The following GREM2 variants were observed in gnomAD, a reference collection of about 807,000 sequenced individuals.
GREM2 encodes the protein gremlin-2.
GREM2 carries 11 observed loss-of-function variants against 14.2 expected under a neutral mutation model. The ratio of observed to expected loss-of-function variants is 0.78; its 90% CI spans 0.49 to 1.28. GREM2 has a LOEUF of 1.28. Ranked by LOEUF, GREM2 falls within the 50% of genes most tolerant of loss-of-function variation. The pLI, the probability that GREM2 is intolerant of heterozygous loss-of-function variation, is 0.00. For synonymous variants in GREM2, 98 were observed against 97.6 expected, an observed-to-expected ratio of 1.00 and a Z score of -0.02; for missense variants, 210 against 218.5, an observed-to-expected ratio of 0.96 and a Z score of 0.24.
In GREM2 at chr1:240,540,216, C is replaced by T. The variant is rs1322412785; in HGVS notation, c.-1-46740G>A. Among the ~76,000 whole-genome samples the T allele has an allele frequency of 6.6e-6, 1 of 152,188 alleles. No individual in the cohort carries two copies. On this transcript the variant is annotated intron_variant, in intron 1 of 1. Transcript: ENST00000318160. The surrounding 1 kb of genome is among the most constrained non-coding windows in gnomAD (Gnocchi z 4.2). ...AAACCACAGGAGCCTGAGTGAGGGTCCGTAATGACAGAGCCTCCTACACAG... is the reference window on the plus strand; with the variant it reads ...AAACCACAGGAGCCTGAGTGAGGGTTCGTAATGACAGAGCCTCCTACACAG...
At chr1:240,596,637 C>T (rs555252148) in intron 1 of GREM2, among the ~76,000 whole-genome samples, 1 of 151,582 alleles carries the variant, frequency 6.6e-6, no homozygotes, top group African/African-American at 2.4e-5. Context: ...GCAGAGGTTG[C>T]GGTGAGCTGA....
At chr1:240,568,618 A>G (rs1280033839) in intron 1 of GREM2, among the ~76,000 whole-genome samples, 2 of 152,158 alleles carry the variant, frequency 1.3e-5, no homozygotes, top group Admixed American at 6.5e-5. Context: ...TTAAAAGTAA[A>G]CAGATGAAAA....
intron 1 of GREM2, among the ~76,000 whole-genome samples, chr1:240,500,161 A>G (rs1482461290): frequency 3.9e-5 from 6 of 152,240 alleles, no homozygotes; most frequent in Non-Finnish European, 7.3e-5. Flanking sequence ...AAATGTTAAT[A>G]TAAGTAAAGC....
intron 1 of GREM2, among the ~76,000 whole-genome samples, chr1:240,545,495 CAAATTGTA>C (rs562081959): frequency 0.5 from 75,819 of 151,410 alleles, 20,869 homozygotes; most frequent in African/African-American, 0.74. Context: ...TAAAATTGTA[CAAATTGTA>C]CAAATTGTAC....
intron 1 of GREM2, among the ~76,000 whole-genome samples, chr1:240,603,028 G>A (rs368820625): frequency 2.6e-5 from 4 of 151,164 alleles, no homozygotes; most frequent in African/African-American, 9.7e-5. Flanking sequence ...AGCTGAGATC[G>A]CACCATTGCA....
chr1:240,531,539 T>A, intron 1 of GREM2: 1 of 611,044 alleles, frequency 1.6e-6, no homozygotes, highest in Non-Finnish European at 2.0e-6. Flanking sequence ...CTTCTTTTCA[T>A]TGGAAAAGAA....
intron 1 of GREM2, among the ~76,000 whole-genome samples, chr1:240,592,144 A>G (rs1031652438): frequency 6.6e-6 from 1 of 152,210 alleles, no homozygotes; most frequent in Non-Finnish European, 1.5e-5. Context: ...ACAGGCAGGT[A>G]AATTTGCTTG....
At chr1:240,521,562 C>T (rs924615491) in intron 1 of GREM2, among the ~76,000 whole-genome samples, 5 of 151,900 alleles carry the variant, frequency 3.3e-5, no homozygotes, top group African/African-American at 1.2e-4. Flanking sequence ...CAGTGTGAGA[C>T]TCCGTCTCAA....
chr1:240,553,445 A>G (rs952644902), intron 1 of GREM2, among the ~76,000 whole-genome samples: 1 of 152,214 alleles, frequency 6.6e-6, no homozygotes, highest in Non-Finnish European at 1.5e-5. Flanking sequence ...TGGTCCCTAC[A>G]TACTCATCAA....
intron 1 of GREM2, among the ~76,000 whole-genome samples, chr1:240,586,650 A>C (rs1679604566): frequency 6.6e-6 from 1 of 152,240 alleles, no homozygotes; most frequent in Non-Finnish European, 1.5e-5. Flanking sequence ...ACCAAACTGC[A>C]TGTACCCATG....
Position 240,492,113 on chromosome 1 carries a change from G to T in GREM2, c.*856C>A, listed in dbSNP as rs576893515. 7 of 315,816 alleles carry T rather than the reference G, an allele frequency of 2.2e-5. 1 individual carries two copies. Among genetic ancestry groups the T allele is most frequent in the South Asian group, 1.8e-4 (7 of 39,534 alleles). The allele number at this position is 315,816 out of a possible 1,614,324, so 19.6% of individuals were successfully genotyped here. On this transcript the variant is annotated 3_prime_UTR_variant, in exon 2 of 2. Transcript: ENST00000318160. Reference sequence around the variant, plus strand: ...AACATGTGAAATAATACATGAATAGGTCTATAATACTTTTTAACAGCTCTT... The same window carrying T: ...AACATGTGAAATAATACATGAATAGTTCTATAATACTTTTTAACAGCTCTT...
chr1:240,502,520 C>T (rs933968729), intron 1 of GREM2, among the ~76,000 whole-genome samples: 3 of 152,110 alleles, frequency 2.0e-5, no homozygotes, highest in Non-Finnish European at 2.9e-5. Flanking sequence ...TCATTCATGC[C>T]TACGACTTCA....
intron 1 of GREM2, among the ~76,000 whole-genome samples, chr1:240,495,401 A>G (rs1370851864): frequency 6.6e-6 from 1 of 152,210 alleles, no homozygotes; most frequent in Non-Finnish European, 1.5e-5. Flanking sequence ...ATATTTATCA[A>G]TCATGAGTAT....
At chr1:240,523,973 A>T (rs1678166139) in intron 1 of GREM2, among the ~76,000 whole-genome samples, 1 of 152,132 alleles carries the variant, frequency 6.6e-6, no homozygotes, top group African/African-American at 2.4e-5. Context: ...ATCTATTTAT[A>T]TATTGTCTGT....
chr1:240,522,340 T>C (rs1436820019), intron 1 of GREM2, among the ~76,000 whole-genome samples: 1 of 152,154 alleles, frequency 6.6e-6, no homozygotes, highest in Non-Finnish European at 1.5e-5. Flanking sequence ...ATCTGGCTTC[T>C]GGCACATTCA....
intron 1 of GREM2, among the ~76,000 whole-genome samples, chr1:240,609,665 C>T (rs1372336901): frequency 1.3e-5 from 2 of 152,082 alleles, no homozygotes; most frequent in Non-Finnish European, 2.9e-5. Flanking sequence ...GCACGTTGCA[C>T]AGGGGCAATT....
intron 1 of GREM2, among the ~76,000 whole-genome samples, chr1:240,547,514 A>T (rs868297437): frequency 0.046 from 4,666 of 102,238 alleles, 91 homozygotes; most frequent in African/African-American, 0.09. Flanking sequence ...AAAAAAAAAA[A>T]ATATATATAT....
chr1:240,574,312 T>C (rs779098771), intron 1 of GREM2, among the ~76,000 whole-genome samples: 1 of 152,060 alleles, frequency 6.6e-6, no homozygotes, highest in Non-Finnish European at 1.5e-5. Context: ...ACATCAATAA[T>C]GCAAAAAGGT....
At chr1:240,525,744 G>A (rs1678206960) in intron 1 of GREM2, among the ~76,000 whole-genome samples, 1 of 152,130 alleles carries the variant, frequency 6.6e-6, no homozygotes, top group African/African-American at 2.4e-5. Flanking sequence ...CTCCCAAAAT[G>A]TTGCGATTAC....
Sources: gnomAD v4.1 joint callset for allele counts (sites outside exome capture counted in the v4.1 genomes callset) on GRCh38, gnomAD v4.1.1 for gene constraint, Gnocchi (gnomAD v3.1) non-coding constraint, MANE v1.5 for transcripts, NCBI Gene and HGNC (gene_info 2026-07-23, HGNC 2026-07-21) for gene names.